Variants in IPO11 observed in about 807,000 individuals in gnomAD.
IPO11 encodes importin 11.
In IPO11, 66 loss-of-function variants were observed where a neutral mutation model predicts 143.2. The ratio of observed to expected loss-of-function variants is 0.46; its 90% CI spans 0.38 to 0.57. The LOEUF (loss-of-function observed/expected upper bound fraction) is 0.57. Among genes scored for constraint, IPO11 ranks in the 20% least tolerant of loss-of-function variants. The pLI is 0.00. For synonymous variants in IPO11, 385 were observed against 377.8 expected (o/e 1.02, Z -0.22); for missense variants, 1,026 against 1,141.0 (o/e 0.90, Z 1.45).
At chr5:62,482,619 T>A (rs1317545521) in intron 9 of IPO11, among the ~76,000 whole-genome samples, 1 of 152,232 alleles carries the variant, frequency 6.6e-6, no homozygotes, top group African/African-American at 2.4e-5. Context: ...GATCAGGAGT[T>A]ACACAATGAT....
chr5:62,425,865 T>G (rs762550773), intron 1 of IPO11, among the ~76,000 whole-genome samples: 51 of 152,376 alleles, frequency 3.3e-4, no homozygotes, highest in Non-Finnish European at 6.0e-4. Flanking sequence ...TTGGTTAGTT[T>G]GATTTTTCCA....
At chr5:62,582,019 T>C (rs1268085939) in intron 27 of IPO11, among the ~76,000 whole-genome samples, 1 of 152,146 alleles carries the variant, frequency 6.6e-6, no homozygotes, top group East Asian at 1.9e-4. Flanking sequence ...TCAGTACAGC[T>C]GGTGTCGTGA....
At chr5:62,575,535 T>C (rs13354708) in intron 27 of IPO11, among the ~76,000 whole-genome samples, 46 of 152,270 alleles carry the variant, frequency 3.0e-4, no homozygotes, top group Middle Eastern at 3.4e-3. Flanking sequence ...TCTCCATCTT[T>C]CCAATTGCCT....
chr5:62,579,925 C>T, intron 27 of IPO11: 1 of 1,551,254 alleles, frequency 6.4e-7, no homozygotes. Context: ...GTACTTAAAT[C>T]TACAAAGGAA....
rs1053059276 is a variant in IPO11 at position 62,518,030 on chromosome 5, A to C, written c.1896+2529A>C. ...ACTAAAGTTTATTGGTTGGCCAGGC[A>C]CTGTGGCTCACACCTGTAATCCCGG... On this transcript the variant is annotated intron_variant, in intron 20 of 29. Transcript: ENST00000325324. Among the ~76,000 whole-genome samples, 10 of 151,862 alleles carry C rather than the reference A, an allele frequency of 6.6e-5. No individual in the cohort carries two copies. The South Asian group carries it at 1.3e-3, about 19-fold the overall frequency.
At chr5:62,490,076 C>G (rs1448541129) in intron 14 of IPO11, 39 bp from the exon 15 acceptor site, 1 of 1,302,824 alleles carries the variant, frequency 7.7e-7, no homozygotes. Context: ...GATCTGATAT[C>G]TGAAACCTTT....
chr5:62,472,053 A>G (rs904369355), intron 7 of IPO11, among the ~76,000 whole-genome samples: 2 of 152,202 alleles, frequency 1.3e-5, no homozygotes, highest in Admixed American at 6.5e-5. Flanking sequence ...TTTTCGAGAA[A>G]CCAACTTGAC....
chr5:62,544,400 G>T (rs577948100), intron 24 of IPO11, among the ~76,000 whole-genome samples: 1 of 151,148 alleles, frequency 6.6e-6, no homozygotes, highest in Non-Finnish European at 1.5e-5. Context: ...ACAAAATTCA[G>T]CCCTTCATGC....
intron 27 of IPO11, among the ~76,000 whole-genome samples, chr5:62,584,587 T>C (rs1383833274): frequency 3.4e-5 from 4 of 119,280 alleles, no homozygotes; most frequent in Non-Finnish European, 6.3e-5. Context: ...CACTCCAGCC[T>C]GGATGACAGA....
intron 28 of IPO11, among the ~76,000 whole-genome samples, chr5:62,597,475 G>A (rs1039944505): frequency 6.6e-5 from 10 of 152,172 alleles, no homozygotes; most frequent in Admixed American, 6.5e-4. Flanking sequence ...GGAAAGTGAG[G>A]TACAGAAAAG....
At chr5:62,591,332 T>G (rs1745003251) in intron 27 of IPO11, among the ~76,000 whole-genome samples, 1 of 152,188 alleles carries the variant, frequency 6.6e-6, no homozygotes, top group South Asian at 2.1e-4. Context: ...TCTAAGAATA[T>G]TAAAATATTC....
chr5:62,457,087 G>C (rs1280261898), intron 5 of IPO11, among the ~76,000 whole-genome samples: 3 of 151,998 alleles, frequency 2.0e-5, no homozygotes, highest in Non-Finnish European at 4.4e-5. Context: ...CTCTGGGGTG[G>C]GGGGGAAAAT....
chr5:62,459,874 C>T (rs932186782), intron 5 of IPO11, among the ~76,000 whole-genome samples: 7 of 152,018 alleles, frequency 4.6e-5, no homozygotes, highest in Admixed American at 2.6e-4. Context: ...AACAAAAAAA[C>T]GGATTATTAC....
intron 21 of IPO11, 124 bp from the exon 22 acceptor site, chr5:62,530,585 T>G: frequency 1.7e-6 from 1 of 596,564 alleles, no homozygotes; most frequent in East Asian, 2.8e-5. Context: ...ATAATTTTTA[T>G]AACTTAACTG....
At chr5:62,469,490 G>A (rs184016087) in intron 6 of IPO11, among the ~76,000 whole-genome samples, 14 of 152,218 alleles carry the variant, frequency 9.2e-5, no homozygotes, top group South Asian at 2.1e-4. Flanking sequence ...TACTGTAATA[G>A]CAATCCTTAT....
intron 15 of IPO11, among the ~76,000 whole-genome samples, chr5:62,491,012 A>G (rs1308234628): frequency 1.3e-5 from 2 of 152,244 alleles, no homozygotes; most frequent in Non-Finnish European, 2.9e-5. Flanking sequence ...AACCTCTTTC[A>G]TAGTTTATAA....
At chr5:62,474,905 C>T (rs1316269136) in intron 8 of IPO11, among the ~76,000 whole-genome samples, 5 of 152,152 alleles carry the variant, frequency 3.3e-5, no homozygotes, top group Admixed American at 1.3e-4. Flanking sequence ...GGAGGATTCT[C>T]GTCTGGGGCA....
At chr5:62,454,965 G>A (rs1745075052) in intron 5 of IPO11, among the ~76,000 whole-genome samples, 1 of 152,162 alleles carries the variant, frequency 6.6e-6, no homozygotes, top group African/African-American at 2.4e-5. Context: ...ATTCAGATTA[G>A]CACTTTTTAT....
In IPO11 at chr5:62,550,359, G is replaced by T. The variant is rs190398234; in HGVS notation, c.2251-8G>T. ...GTATTATCACCAATCTTTCTTTCTG[G>T]TTTTTAGGTTGTGGAAAATGCCCTT... On this transcript the variant is annotated splice_polypyrimidine_tract_variant and splice_region_variant and intron_variant, in intron 24 of 29. Coordinates refer to ENST00000325324, the MANE Select transcript of IPO11 (RefSeq NM_016338.5). The T allele has an allele frequency of 3.1e-6, 5 of 1,600,122 alleles. No individual in the cohort carries two copies. The East Asian group carries it at 1.1e-4, about 36-fold the overall frequency.
Sources: allele counts gnomAD v4.1 joint callset (sites outside exome capture counted in the v4.1 genomes callset), GRCh38; gene constraint gnomAD v4.1.1; transcripts MANE v1.5; gene names NCBI Gene and HGNC (gene_info 2026-07-23, HGNC 2026-07-21).